The following NR2C1 variants were observed in gnomAD, a reference collection of about 807,000 sequenced individuals.
NR2C1 encodes nuclear receptor subfamily 2 group C member 1.
A neutral mutation model predicts 74.8 loss-of-function variants in NR2C1; 33 were observed. The observed-to-expected ratio is 0.44, with a 90% confidence interval of 0.33 to 0.59. The LOEUF (loss-of-function observed/expected upper bound fraction) is 0.59. Among genes scored for constraint, NR2C1 ranks in the 20% least tolerant of loss-of-function variants. The pLI is 0.02. For missense variants in NR2C1, 568 were observed against 715.6 expected (o/e 0.79, Z 2.35); for synonymous variants, 225 against 240.6 (o/e 0.94, Z 0.60).
chr12:95,030,987 G>T (rs527992207), intron 11 of NR2C1: 1 of 853,596 alleles, frequency 1.2e-6, no homozygotes, highest in African/African-American at 1.7e-5. Flanking sequence ...AGGATTCAAA[G>T]GGCTATAATA....
At chr12:95,065,414 A>T (rs967298775) in intron 2 of NR2C1, among the ~76,000 whole-genome samples, 3 of 152,128 alleles carry the variant, frequency 2.0e-5, no homozygotes, top group Non-Finnish European at 4.4e-5. Flanking sequence ...GAGAAATTTT[A>T]AAAATAGTTG....
intron 5 of NR2C1, chr12:95,058,100 A>G: frequency 1.5e-6 from 1 of 660,260 alleles, no homozygotes; most frequent in Non-Finnish European, 2.5e-6. Flanking sequence ...GCCAAACACA[A>G]ACTACAAATA....
chr12:95,067,325 A>G lies in NR2C1; in HGVS notation c.54+6T>C. The G allele has an allele frequency of 1.2e-6, 2 of 1,612,726 alleles. No individual in the cohort carries two copies. The highest frequency in any genetic ancestry group is 1.7e-6 in the Non-Finnish European group (2 of 1,178,808). On this transcript the variant is annotated splice_donor_region_variant and intron_variant, in intron 2 of 13. Transcript: ENST00000333003. ...GGCCAGTGCATCAACCGTAAACTAG[A>G]CATACCTCTCCCATCTGTTGTTCAA...
At chr12:95,022,985 G>A (rs1369224062) in intron 13 of NR2C1, among the ~76,000 whole-genome samples, 2 of 151,570 alleles carry the variant, frequency 1.3e-5, no homozygotes, top group Non-Finnish European at 2.9e-5. Context: ...TTATAAGCGT[G>A]AGCCATTGTG....
intron 2 of NR2C1, among the ~76,000 whole-genome samples, chr12:95,066,272 C>T (rs1053141122): frequency 6.6e-6 from 1 of 152,190 alleles, no homozygotes; most frequent in African/African-American, 2.4e-5. Flanking sequence ...AAGGCCAAGG[C>T]CAGTGAACTG....
At chr12:95,052,172 T>G (rs75383952) in intron 7 of NR2C1, among the ~76,000 whole-genome samples, 6 of 151,480 alleles carry the variant, frequency 4.0e-5, no homozygotes, top group East Asian at 1.9e-4. Context: ...TTTTTTTTTT[T>G]GGGAGATGGA....
chr12:95,072,916 G>C (rs1427751116), intron 1 of NR2C1: 1 of 152,226 alleles, frequency 6.6e-6, no homozygotes, highest in Non-Finnish European at 1.5e-5. Flanking sequence ...GATGCAGGCC[G>C]GGACTTGCGG....
intron 7 of NR2C1, among the ~76,000 whole-genome samples, chr12:95,053,941 C>T (rs1873454356): frequency 6.6e-6 from 1 of 152,112 alleles, no homozygotes; most frequent in Admixed American, 6.5e-5. Context: ...CCTTGGCCTC[C>T]CAAAGTGCTG....
intron 12 of NR2C1, 174 bp downstream of exon 12, chr12:95,028,211 CAA>C (rs1372978405): frequency 1.1e-5 from 6 of 550,964 alleles, no homozygotes; most frequent in African/African-American, 3.9e-5. Flanking sequence ...CTTGGGCTGA[CAA>C]GAGTGAAGCT....
At position 95,058,364 on chromosome 12, in the gene NR2C1, G is replaced by T. The variant is rs1382394282; in HGVS notation, c.490C>A (p.Arg164Ser). The change falls in exon 5 of 14, where the codon CGC (arginine) becomes AGC (serine). Residue 164 changes from arginine to serine, a missense_variant. Physicochemically the swap from Arg to Ser is moderately radical, Grantham distance 110. Transcript: ENST00000333003. Reference sequence around the variant, plus strand: ...CTCTGTAACCTGCAGTATTGACAGCGGTTTCGGTGGTGCTTATTAATAATA... The same window carrying T: ...CTCTGTAACCTGCAGTATTGACAGCTGTTTCGGTGGTGCTTATTAATAATA... ...DCIINKHHRN[R>S]CQYCRLQRCI... is the part of the protein sequence containing the mutation. 3 of 1,613,514 alleles carry T rather than the reference G, an allele frequency of 1.9e-6. No individual in the cohort carries two copies. Among genetic ancestry groups the T allele is most frequent in the East Asian group, 4.5e-5 (2 of 44,834 alleles).
intron 2 of NR2C1, among the ~76,000 whole-genome samples, chr12:95,063,473 G>T (rs942885381): frequency 2.0e-5 from 3 of 152,182 alleles, no homozygotes; most frequent in Non-Finnish European, 2.9e-5. Flanking sequence ...CCAAACAAAA[G>T]TCTAGATTTC....
chr12:95,037,848 T>C (rs980764654), intron 10 of NR2C1, among the ~76,000 whole-genome samples: 4 of 141,532 alleles, frequency 2.8e-5, no homozygotes, highest in African/African-American at 1.1e-4. Context: ...TGAGCGGAGA[T>C]CGTGCCACTG....
chr12:95,070,700 G>C (rs781595351), intron 1 of NR2C1, among the ~76,000 whole-genome samples: 6 of 152,092 alleles, frequency 3.9e-5, no homozygotes, highest in Non-Finnish European at 5.9e-5. Context: ...CCCTTCCCTT[G>C]GTATTCATTC....
chr12:95,036,295 G>A (rs531029847), intron 10 of NR2C1, among the ~76,000 whole-genome samples: 21 of 141,444 alleles, frequency 1.5e-4, no homozygotes, highest in African/African-American at 5.0e-4. Flanking sequence ...AAAAAAGGCC[G>A]GATATGATGG....
At position 95,058,413 on chromosome 12, in the gene NR2C1, A is replaced by G; in HGVS notation, c.441T>C (p.Tyr147=). The change falls in exon 5 of 14, where the codon TAT becomes TAC. Residue 147 remains tyrosine (Y), a synonymous_variant. Transcript: ENST00000333003. ...FKRSIRKNLV[Y]SCRGSKDCII... is the part of the protein sequence containing the mutation. ...TACAATCCTTTGATCCTCGACATGA[A>G]TATACTAAATTTTTTCGGATGCTTC... 1.9e-6 allele frequency: 3 copies of G among 1,613,726 alleles called. No individual in the cohort carries two copies. The highest frequency in any genetic ancestry group is 2.5e-6 in the Non-Finnish European group (3 of 1,179,864).
chr12:95,072,589 G>A (rs1876868880), intron 1 of NR2C1: 1 of 152,072 alleles, frequency 6.6e-6, no homozygotes, highest in South Asian at 2.1e-4. Flanking sequence ...GTAATTTTAG[G>A]TCTTTCTGCT....
chr12:95,025,369 G>T, intron 12 of NR2C1, 114 bp from the exon 13 acceptor site: 2 of 601,078 alleles, frequency 3.3e-6, no homozygotes, highest in Admixed American at 6.9e-5. Context: ...CATAAAATGT[G>T]TGGCTCAGGC....
At position 95,048,494 on chromosome 12, in the gene NR2C1, C is replaced by T. The variant is rs117562109; in HGVS notation, c.1131+574G>A. ...ACTGACTTAACAGGATGCTTTATTA[C>T]GCCATTATCTTATCTACATAAGGCT... On this transcript the variant is annotated intron_variant, in intron 9 of 13. Transcript: ENST00000333003. Among the ~76,000 whole-genome samples the T allele has an allele frequency of 9.1e-4, 139 of 152,270 alleles. 1 individual carries two copies. The East Asian group carries it at 0.022, about 24-fold the overall frequency.
At chr12:95,066,049 A>C (rs1875643324) in intron 2 of NR2C1, among the ~76,000 whole-genome samples, 1 of 152,062 alleles carries the variant, frequency 6.6e-6, no homozygotes, top group Non-Finnish European at 1.5e-5. Flanking sequence ...ATTATAACCT[A>C]TTTCTTAATG....
Sources: gnomAD v4.1 joint callset for allele counts (sites outside exome capture counted in the v4.1 genomes callset) on GRCh38, gnomAD v4.1.1 for gene constraint, MANE v1.5 for transcripts, NCBI Gene and HGNC (gene_info 2026-07-23, HGNC 2026-07-21) for gene names.